The following CALCOCO1 variants were observed in gnomAD, a reference collection of about 807,000 sequenced individuals.
CALCOCO1 encodes calcium binding and coiled-coil domain 1, also known as calcium-binding and coiled-coil domain-containing protein 1.
A neutral mutation model predicts 86.3 loss-of-function variants in CALCOCO1; 44 were observed. That is an observed-to-expected ratio of 0.51 (90% CI 0.40 to 0.66). The LOEUF (loss-of-function observed/expected upper bound fraction) is 0.66. Among genes scored for constraint, CALCOCO1 ranks in the 30% least tolerant of loss-of-function variants. CALCOCO1 has a pLI of 0.00. For missense variants in CALCOCO1, 708 were observed against 851.1 expected (o/e 0.83, Z 2.09); for synonymous variants, 297 against 327.6 (o/e 0.91, Z 1.01).
At chr12:53,721,881 C>A in intron 5 of CALCOCO1, 144 bp downstream of exon 5, 2 of 935,844 alleles carry the variant, frequency 2.1e-6, no homozygotes, top group Non-Finnish European at 1.6e-6. Flanking sequence ...TTAATCCCAG[C>A]CACTACCCCT....
At chr12:53,715,174 G>T (rs759959140) in intron 10 of CALCOCO1, 26 bp downstream of exon 10, 1 of 1,612,972 alleles carries the variant, frequency 6.2e-7, no homozygotes, top group South Asian at 1.1e-5. Context: ...CCATAGGACA[G>T]GACCCTTGGT....
At chr12:53,721,185 C>G (rs1162971320) in intron 6 of CALCOCO1, among the ~76,000 whole-genome samples, 1 of 152,244 alleles carries the variant, frequency 6.6e-6, no homozygotes, top group African/African-American at 2.4e-5. Context: ...TCCATCCATT[C>G]TCTTCTTCCA....
At position 53,715,817 on chromosome 12, in the gene CALCOCO1, C is replaced by T; in HGVS notation, c.1236G>A (p.Arg412=). ...KEEKCQWSKE[R]AGLLQSVEAE... is the part of the protein sequence containing the mutation. ...CCTCCACACTCTGCAGCAGCCCTGC[C>T]CGCTCCTTGCTCCATTGGCATTTTT... Residue 412 remains arginine, a synonymous_variant, in exon 9 of 15, where the codon CGG becomes CGA. Coordinates refer to ENST00000550804, the MANE Select transcript of CALCOCO1 (RefSeq NM_020898.3). The T allele has an allele frequency of 1.2e-6, 2 of 1,613,736 alleles. No individual in the cohort carries two copies. The highest frequency in any genetic ancestry group is 1.1e-5 in the South Asian group (1 of 91,080).
chr12:53,727,032 C>T (rs1299808237), intron 1 of CALCOCO1, among the ~76,000 whole-genome samples: 2 of 152,150 alleles, frequency 1.3e-5, no homozygotes, highest in African/African-American at 4.8e-5. Context: ...GGTCCCCCTT[C>T]CTCCCCAGGG....
intron 7 of CALCOCO1, among the ~76,000 whole-genome samples, chr12:53,716,829 G>T (rs1234015937): frequency 6.6e-6 from 1 of 152,120 alleles, no homozygotes; most frequent in East Asian, 1.9e-4. Flanking sequence ...GGAGTAACCT[G>T]GTGCCCTTGG....
Position 53,721,534 on chromosome 12 carries a change from G to A in CALCOCO1, c.691C>T (p.Leu231=), listed in dbSNP as rs200082026. The A allele has an allele frequency of 8.7e-6, 14 of 1,613,790 alleles. No homozygotes were observed. The highest frequency in any genetic ancestry group is 2.2e-5 in the East Asian group (1 of 44,888). ...RQQGDHVARI[L]ELEDDIQTIS... ...GTCTGGATGTCATCCTCTAGCTCCA[G>A]GATGCGTGCCACATGGTCTCCCTGT... is the stretch of plus-strand genomic sequence containing the variant. Residue 231 remains leucine (L), a synonymous_variant, in exon 6 of 15, where the codon CTG becomes TTG. Coordinates refer to ENST00000550804, the MANE Select transcript of CALCOCO1 (RefSeq NM_020898.3).
Position 53,709,552 on chromosome 12 carries a change from A to T in CALCOCO1, c.*2392T>A, listed in dbSNP as rs563768230. The stretch of plus-strand genomic sequence containing the variant: ...GTTGGGGGGCTTCATGGAGGAGGGG[A>T]GTATGAAGCAGATTCGGGACAGTGA... On this transcript the variant is annotated 3_prime_UTR_variant, in exon 15 of 15. Transcript: ENST00000550804. The T allele has an allele frequency of 2.0e-5, 3 of 152,394 alleles. No homozygotes were observed. The East Asian group carries it at 5.8e-4, about 29-fold the overall frequency. 9.4% of individuals were successfully genotyped at this position (152,394 alleles called of 1,614,324 possible). A position where few individuals can be genotyped will look rare whatever the true frequency, so the allele number is the denominator to read the frequency against.
intron 4 of CALCOCO1, chr12:53,722,957 A>AAT (rs1555165888): frequency 5.1e-6 from 2 of 389,682 alleles, no homozygotes; most frequent in East Asian, 1.5e-4. Flanking sequence ...AAAAAAAAAA[A>AAT]AAAAGAAAAG....
intron 4 of CALCOCO1, among the ~76,000 whole-genome samples, chr12:53,722,405 C>T (rs1420446766): frequency 6.6e-6 from 1 of 152,182 alleles, no homozygotes; most frequent in Non-Finnish European, 1.5e-5. Context: ...TCTTACCCCT[C>T]CCCACTCTAG....
intron 4 of CALCOCO1, 110 bp downstream of exon 4, chr12:53,723,483 A>G (rs1049314140): frequency 2.4e-5 from 26 of 1,101,926 alleles, no homozygotes; most frequent in Non-Finnish European, 2.9e-5. Context: ...ACTTTCAACG[A>G]GGTCTTTAGT....
Position 53,712,051 on chromosome 12 carries a change from G to T in CALCOCO1, c.1969C>A (p.Pro657Thr). 2 of 1,612,814 alleles carry T rather than the reference G, an allele frequency of 1.2e-6. No homozygotes were observed. ...GPATPTWKEC[P>T]ICKERFPAES... ...GCAGGAAAGCGCTCCTTACAGATAGGACACTCCTTCCATGTGGGGGTGGCA... is the reference window on the plus strand; with the variant it reads ...GCAGGAAAGCGCTCCTTACAGATAGTACACTCCTTCCATGTGGGGGTGGCA... Residue 657 changes from proline (P) to threonine (T), a missense_variant, in exon 15 of 15, where the codon CCT becomes ACT. Physicochemically the swap from Pro to Thr is conservative, Grantham distance 38. Transcript: ENST00000550804.
chr12:53,720,784 T>C (rs1195420816), intron 6 of CALCOCO1, among the ~76,000 whole-genome samples: 1 of 152,170 alleles, frequency 6.6e-6, no homozygotes, highest in African/African-American at 2.4e-5. Context: ...AGGATGGACA[T>C]GGGAGGTGGT....
Position 53,715,806 on chromosome 12 carries a change from A to G in CALCOCO1, c.1247T>C (p.Leu416Pro). The change falls in exon 9 of 15, where the codon CTG becomes CCG. Residue 416 changes from leucine to proline, a missense_variant. By Grantham distance (98) the Leu-to-Pro change is moderately conservative. Transcript: ENST00000550804. ...CQWSKERAGL[L>P]QSVEAEKDKI... ...CCATCCCTCTACCTCCACACTCTGC[A>G]GCAGCCCTGCCCGCTCCTTGCTCCA... The G allele has an allele frequency of 6.2e-7, 1 of 1,613,378 alleles. No individual in the cohort carries two copies. The highest frequency in any genetic ancestry group is 8.5e-7 in the Non-Finnish European group (1 of 1,180,024).
chr12:53,712,853 C>A (rs752091889), intron 14 of CALCOCO1: 5 of 1,463,794 alleles, frequency 3.4e-6, no homozygotes, highest in South Asian at 2.3e-5. Context: ...GGTGCTAGAA[C>A]AACATAGAAG....
At chr12:53,722,996 CA>C (rs992800563) in intron 4 of CALCOCO1, 3 of 284,186 alleles carry the variant, frequency 1.1e-5, no homozygotes, top group Non-Finnish European at 1.4e-5. Flanking sequence ...AAAAAACAAA[CA>C]AAAAAACCCC....
chr12:53,714,071 C>G, intron 12 of CALCOCO1, 62 bp downstream of exon 12: 1 of 1,433,992 alleles, frequency 7.0e-7, no homozygotes, highest in South Asian at 1.2e-5. Flanking sequence ...TTACATGGAG[C>G]CTTCCTCAAC....
chr12:53,719,296 T>G (rs999588655), intron 7 of CALCOCO1, among the ~76,000 whole-genome samples: 5 of 151,488 alleles, frequency 3.3e-5, no homozygotes, highest in Non-Finnish European at 7.4e-5. Flanking sequence ...GAAGCTGAGG[T>G]GGGTGGATCA....
At position 53,725,162 on chromosome 12, in the gene CALCOCO1, G is replaced by A. The variant is rs778558606; in HGVS notation, c.81C>T (p.Asn27=). 5.6e-6 allele frequency: 9 copies of A among 1,613,430 alleles called. No homozygotes were observed. Among genetic ancestry groups the A allele is most frequent in the Non-Finnish European group, 6.8e-6 (8 of 1,179,720 alleles). ...FLNVARTYIP[N]TKVECHYTLP... Reference sequence around the variant, plus strand: ...GGGTGTAGTGACATTCCACCTTGGTGTTGGGGATGTAGGTCCGGGCTACAT... The same window carrying A: ...GGGTGTAGTGACATTCCACCTTGGTATTGGGGATGTAGGTCCGGGCTACAT... The change falls in exon 2 of 15, where the codon AAC becomes AAT. Residue 27 remains asparagine (N), a synonymous_variant. Transcript: ENST00000550804.
At chr12:53,714,262 G>A in intron 11 of CALCOCO1, 21 bp from the exon 12 acceptor site, 4 of 1,587,348 alleles carry the variant, frequency 2.5e-6, no homozygotes, top group Non-Finnish European at 3.5e-6. Context: ...GAAGGAAAAA[G>A]GCAGGTGCTA....
Sources: allele counts gnomAD v4.1 joint callset (sites outside exome capture counted in the v4.1 genomes callset), GRCh38; gene constraint gnomAD v4.1.1; transcripts MANE v1.5; gene names NCBI Gene and HGNC (gene_info 2026-07-23, HGNC 2026-07-21).